GIPC1: variants seen among roughly 807,000 people sequenced by gnomAD.
GIPC1 encodes PDZ domain-containing protein GIPC1.
GIPC1 carries 15 observed loss-of-function variants against 28.5 expected under a neutral mutation model. That is an observed-to-expected ratio of 0.53 (90% CI 0.35 to 0.81). GIPC1 has a LOEUF of 0.81. Among genes scored for constraint, GIPC1 ranks in the 30% least tolerant of loss-of-function variants. The pLI is 0.01. For missense variants in GIPC1, 439 were observed against 481.9 expected, an observed-to-expected ratio of 0.91 and a Z score of 0.83; for synonymous variants, 224 against 206.1, an observed-to-expected ratio of 1.09 and a Z score of -0.74.
intron 3 of GIPC1, among the ~76,000 whole-genome samples, chr19:14,487,236 C>CTT (rs112964277): frequency 2.2e-5 from 3 of 139,314 alleles, no homozygotes; most frequent in African/African-American, 7.9e-5. Context: ...TTCTTTCTTT[C>CTT]TTTTTTTTTT....
rs139791665 is a variant in GIPC1, at chr19:14,490,189, C to T, written c.-31+1467G>A. 5.6e-3 allele frequency among the ~76,000 whole-genome samples: 842 copies of T among 151,536 alleles called. 11 individuals carry two copies. The highest frequency in any genetic ancestry group is 0.02 in the African/African-American group (816 of 41,250). On this transcript the variant is annotated intron_variant, in intron 3 of 8. Transcript: ENST00000393033. ...GACCAGCCTGGCCAACATGGTGAAA[C>T]CCCGTCTCTACTAAAATTACAAAAA...
chr19:14,493,181 C>A (rs2072006279), intron 1 of GIPC1, among the ~76,000 whole-genome samples: 1 of 152,198 alleles, frequency 6.6e-6, no homozygotes, highest in Non-Finnish European at 1.5e-5. Context: ...ATGGCTCAGG[C>A]CCATGAACTT....
At chr19:14,487,565 G>A (rs1398033465) in intron 3 of GIPC1, among the ~76,000 whole-genome samples, 1 of 151,960 alleles carries the variant, frequency 6.6e-6, no homozygotes, top group Non-Finnish European at 1.5e-5. Flanking sequence ...ACTCACAGAT[G>A]CTATATAGGC....
At position 14,478,656 on chromosome 19, in the gene GIPC1, C is replaced by G; in HGVS notation, c.850+28G>C. ...ATTCGGCCCCCAGCAGACCTAGATG[C>G]CCCCTCCCCCAGGCAGCCCTCACTC... is the stretch of plus-strand genomic sequence containing the variant. On this transcript the variant is annotated intron_variant, in intron 8 of 8. Transcript: ENST00000393033. This position sits in a 1 kb window ranked among gnomAD's most constrained non-coding sequence, Gnocchi z 5.2. 6.2e-7 allele frequency: 1 copy of G among 1,610,488 alleles called. No individual in the cohort carries two copies.
At chr19:14,479,814 G>T in intron 6 of GIPC1, 1 of 398,142 alleles carries the variant, frequency 2.5e-6, no homozygotes. Context: ...GGAAGCAGGT[G>T]TACCCCAGCC....
At chr19:14,493,376 C>T (rs769250916) in intron 1 of GIPC1, among the ~76,000 whole-genome samples, 3 of 152,228 alleles carry the variant, frequency 2.0e-5, no homozygotes, top group Non-Finnish European at 4.4e-5. Context: ...CCTGCAGAAT[C>T]GCTGCTCTGG....
At chr19:14,492,012 G>A (rs1260388686) in intron 2 of GIPC1, among the ~76,000 whole-genome samples, 2 of 151,958 alleles carry the variant, frequency 1.3e-5, no homozygotes, top group Non-Finnish European at 2.9e-5. Context: ...AGTTTGCAGT[G>A]AGCCAAGATC....
Position 14,479,399 on chromosome 19 carries a change from C to A in GIPC1, c.768+13G>T, listed in dbSNP as rs752553712. ...AAGGGATGCCGGAGATAGGGTCCGGCTGGAGCACTCACCAGATCCTCCACC... is the reference window on the plus strand; with the variant it reads ...AAGGGATGCCGGAGATAGGGTCCGGATGGAGCACTCACCAGATCCTCCACC... On this transcript the variant is annotated intron_variant, in intron 7 of 8. Transcript: ENST00000393033. The A allele has an allele frequency of 1.0e-5, 12 of 1,157,610 alleles. No individual in the cohort carries two copies. The highest frequency in any genetic ancestry group is 1.4e-5 in the Non-Finnish European group (12 of 857,936). 71.7% of individuals were successfully genotyped at this position (1,157,610 alleles called of 1,614,324 possible). A position where few individuals can be genotyped will look rare whatever the true frequency, so the allele number is the denominator to read the frequency against.
At chr19:14,481,447 G>C (rs2071726756) in intron 4 of GIPC1, among the ~76,000 whole-genome samples, 1 of 152,104 alleles carries the variant, frequency 6.6e-6, no homozygotes, top group African/African-American at 2.4e-5. Flanking sequence ...GCTGTGCCAG[G>C]TGCGGTGGCT....
intron 3 of GIPC1, among the ~76,000 whole-genome samples, chr19:14,483,790 T>C (rs2071782246): frequency 8.8e-6 from 1 of 113,036 alleles, no homozygotes; most frequent in Non-Finnish European, 2.0e-5. Context: ...ATAATAATAA[T>C]AATAATAATA....
In GIPC1 at chr19:14,496,071, G is replaced by A. The variant is rs1366737222; in HGVS notation, c.-209C>T. ...CGCCGCCGCCGCCGCCGCCGCCGCC[G>A]CCGCTGCCTCCGCCTCCCCGTGCGC... On this transcript the variant is annotated 5_prime_UTR_variant, in exon 1 of 9. Coordinates refer to ENST00000393033, the MANE Select transcript of GIPC1 (RefSeq NM_005716.4). 7 of 246,122 alleles carry A rather than the reference G, an allele frequency of 2.8e-5. No homozygotes were observed. The highest frequency in any genetic ancestry group is 7.6e-6 in the Non-Finnish European group (1 of 131,746). 15.2% of individuals were successfully genotyped at this position (246,122 alleles called of 1,614,324 possible).
intron 3 of GIPC1, among the ~76,000 whole-genome samples, chr19:14,485,382 G>T (rs115331958): frequency 6.6e-6 from 1 of 150,404 alleles, no homozygotes; most frequent in Non-Finnish European, 1.5e-5. Flanking sequence ...GGCCTGGTGC[G>T]ATGGCTCACA....
At chr19:14,485,011 T>G (rs2071804912) in intron 3 of GIPC1, among the ~76,000 whole-genome samples, 3 of 151,438 alleles carry the variant, frequency 2.0e-5, no homozygotes, top group Non-Finnish European at 4.4e-5. Context: ...AATACAAAAA[T>G]TAGCTGGCCG....
chr19:14,483,140 T>C, intron 3 of GIPC1, 134 bp from the exon 4 acceptor site: 1 of 619,202 alleles, frequency 1.6e-6, no homozygotes, highest in South Asian at 2.0e-5. Context: ...ATCTCTTGTA[T>C]AGTGACAGGA....
chr19:14,482,887 C>T lies in GIPC1; in HGVS notation c.90G>A (p.Gly30=), dbSNP rs1363080005. 1 of 1,590,354 alleles carries T rather than the reference C, an allele frequency of 6.3e-7. No individual in the cohort carries two copies. The highest frequency in any genetic ancestry group is 8.6e-7 in the Non-Finnish European group (1 of 1,169,104). ...AEPGRGGLGV[G]EPGPLGGGGS... is the part of the protein sequence containing the mutation. Reference sequence around the variant, plus strand: ...CACCTCCGCCCAGAGGCCCTGGCTCCCCCACGCCCAGCCCTCCACGGCCTG... The same window carrying T: ...CACCTCCGCCCAGAGGCCCTGGCTCTCCCACGCCCAGCCCTCCACGGCCTG... The change falls in exon 4 of 9, where the codon GGG becomes GGA. Residue 30 remains glycine, a synonymous_variant. Transcript: ENST00000393033.
chr19:14,489,868 T>C (rs1440064979), intron 3 of GIPC1, among the ~76,000 whole-genome samples: 1 of 151,486 alleles, frequency 6.6e-6, no homozygotes, highest in African/African-American at 2.4e-5. Flanking sequence ...CAGAATCTTA[T>C]TAAATGTGAA....
intron 7 of GIPC1, among the ~76,000 whole-genome samples, chr19:14,479,093 C>G (rs1236117153): frequency 6.6e-6 from 1 of 152,050 alleles, no homozygotes; most frequent in Non-Finnish European, 1.5e-5. Context: ...GCCTATAATC[C>G]CAGCACTTTG....
At chr19:14,479,209 G>A (rs2071668205) in intron 7 of GIPC1, among the ~76,000 whole-genome samples, 1 of 152,104 alleles carries the variant, frequency 6.6e-6, no homozygotes, top group African/African-American at 2.4e-5. Context: ...AAAATCAGCT[G>A]GGCATGGTGG....
rs1308858453 is a variant in GIPC1 at position 14,478,890 on chromosome 19, G to T, written c.769-125C>A. 1.3e-6 allele frequency: 1 copy of T among 766,466 alleles called. No individual in the cohort carries two copies. The highest frequency in any genetic ancestry group is 2.3e-6 in the Non-Finnish European group (1 of 435,422). The allele number at this position is 766,466 out of a possible 1,614,324, so 47.5% of individuals were successfully genotyped here. A position where few individuals can be genotyped will look rare whatever the true frequency, so the allele number is the denominator to read the frequency against. Reference sequence around the variant, plus strand: ...TAGACCTCAGGACAACCCTGAGAAGGTGGTATCGGTGTTCAGCTCATCCCC... The same window carrying T: ...TAGACCTCAGGACAACCCTGAGAAGTTGGTATCGGTGTTCAGCTCATCCCC... On this transcript the variant is annotated intron_variant, in intron 7 of 8. Coordinates refer to ENST00000393033, the MANE Select transcript of GIPC1 (RefSeq NM_005716.4). This position sits in a 1 kb window ranked among gnomAD's most constrained non-coding sequence, Gnocchi z 5.2.
Sources: allele counts gnomAD v4.1 joint callset (sites outside exome capture counted in the v4.1 genomes callset), GRCh38; gene constraint gnomAD v4.1.1; non-coding constraint Gnocchi (gnomAD v3.1); transcripts MANE v1.5; gene names NCBI Gene and HGNC (gene_info 2026-07-23, HGNC 2026-07-21).